The following SGCZ variants were observed in gnomAD, a reference collection of about 807,000 sequenced individuals.
The protein encoded by SGCZ is zeta-sarcoglycan.
SGCZ carries 40 observed loss-of-function variants against 41.3 expected under a neutral mutation model. The observed-to-expected ratio is 0.97, with a 90% confidence interval of 0.75 to 1.26. The LOEUF is 1.26. Ranked by LOEUF, SGCZ falls within the 50% of genes most tolerant of loss-of-function variation. The pLI is 0.00. For missense variants in SGCZ, 552 were observed against 369.8 expected, an observed-to-expected ratio of 1.49 and a Z score of -4.04; for synonymous variants, 206 against 137.5, an observed-to-expected ratio of 1.50 and a Z score of -3.49.
At chr8:14,829,234 G>GATAGGCCCCAGTGCATATTGTTTCCC (rs747994306) in intron 1 of SGCZ, among the ~76,000 whole-genome samples, 1 of 151,404 alleles carries the variant, frequency 6.6e-6, no homozygotes, top group African/African-American at 2.4e-5. Context: ...TATTGTTGCC[G>GATAGGCCCCAGTGCATATTGTTTCCC]TCTATATATC....
At chr8:15,214,651 G>A (rs1214472578) in intron 1 of SGCZ, among the ~76,000 whole-genome samples, 1 of 152,042 alleles carries the variant, frequency 6.6e-6, no homozygotes, top group South Asian at 2.1e-4. Context: ...CTGAATCGTG[G>A]GGAGCTCACG....
chr8:14,097,341 C>T (rs1219493641), intron 7 of SGCZ, among the ~76,000 whole-genome samples: 4 of 152,052 alleles, frequency 2.6e-5, no homozygotes, highest in Non-Finnish European at 5.9e-5. Context: ...TCTGCCTTCA[C>T]TTCGTGATTT....
chr8:14,439,562 T>A (rs906433037), intron 2 of SGCZ, among the ~76,000 whole-genome samples: 23 of 151,746 alleles, frequency 1.5e-4, no homozygotes, highest in African/African-American at 5.3e-4. Flanking sequence ...GAATTCGTAA[T>A]ATATAAAAGA....
rs1015368840 is a variant in SGCZ, at chr8:15,165,223, G to A, written c.39+72362C>T. 1.5e-4 allele frequency among the ~76,000 whole-genome samples: 23 copies of A among 152,122 alleles called. 1 individual carries two copies. The highest frequency in any genetic ancestry group is 5.3e-4 in the African/African-American group (22 of 41,410). ...AAATGCATGAACCCGGGAGGCAGAG[G>A]TTGCAGTGAGCCGAGATCACGCCAC... On this transcript the variant is annotated intron_variant, in intron 1 of 7. Coordinates refer to ENST00000382080, the MANE Select transcript of SGCZ (RefSeq NM_139167.4).
chr8:14,948,660 C>T (rs1800533174), intron 1 of SGCZ, among the ~76,000 whole-genome samples: 1 of 152,074 alleles, frequency 6.6e-6, no homozygotes. Context: ...CACTAACTAC[C>T]TCCTATTTTG....
intron 1 of SGCZ, among the ~76,000 whole-genome samples, chr8:15,201,001 G>T (rs907948495): frequency 2.6e-5 from 4 of 151,898 alleles, no homozygotes; most frequent in African/African-American, 7.3e-5. Context: ...CACTACCAAA[G>T]CGTCCCCAAT....
intron 4 of SGCZ, among the ~76,000 whole-genome samples, chr8:14,181,713 T>C (rs10095080): frequency 0.014 from 2,144 of 152,338 alleles, 44 homozygotes; most frequent in African/African-American, 0.05. Flanking sequence ...CCTGCTGCTA[T>C]GTAATACATC....
At chr8:14,657,254 C>G (rs920238785) in intron 1 of SGCZ, among the ~76,000 whole-genome samples, 1 of 151,948 alleles carries the variant, frequency 6.6e-6, no homozygotes, top group Non-Finnish European at 1.5e-5. Context: ...TCCCGGGTTC[C>G]CTCATGAACA....
At chr8:15,016,665 A>C (rs527394461) in intron 1 of SGCZ, among the ~76,000 whole-genome samples, 1 of 152,280 alleles carries the variant, frequency 6.6e-6, no homozygotes, top group South Asian at 2.1e-4. Context: ...TTTGATAATT[A>C]TTTACATAAG....
chr8:15,099,225 A>G (rs900760393), intron 1 of SGCZ, among the ~76,000 whole-genome samples: 4 of 152,220 alleles, frequency 2.6e-5, no homozygotes, highest in Non-Finnish European at 5.9e-5. Flanking sequence ...TGTGTCTTCA[A>G]TAATAAGACA....
At chr8:15,006,381 C>G (rs907782309) in intron 1 of SGCZ, among the ~76,000 whole-genome samples, 1 of 152,156 alleles carries the variant, frequency 6.6e-6, no homozygotes, top group Non-Finnish European at 1.5e-5. Flanking sequence ...TGTGAAAATT[C>G]TGCTATCCAA....
At chr8:14,930,951 C>T (rs1265518389) in intron 1 of SGCZ, among the ~76,000 whole-genome samples, 4 of 151,882 alleles carry the variant, frequency 2.6e-5, no homozygotes, top group Non-Finnish European at 5.9e-5. Context: ...CACCATGGCA[C>T]GTGTATACCT....
At chr8:14,784,467 T>G (rs182319520) in intron 1 of SGCZ, among the ~76,000 whole-genome samples, 1 of 152,096 alleles carries the variant, frequency 6.6e-6, no homozygotes, top group African/African-American at 2.4e-5. Flanking sequence ...AGTATCAAAT[T>G]TGGGTAAAAT....
At chr8:14,169,729 A>G (rs1247279036) in intron 4 of SGCZ, among the ~76,000 whole-genome samples, 1 of 152,204 alleles carries the variant, frequency 6.6e-6, no homozygotes, top group Non-Finnish European at 1.5e-5. Context: ...AAGCATAAGC[A>G]GTTGACTCCA....
intron 1 of SGCZ, among the ~76,000 whole-genome samples, chr8:15,001,894 A>G (rs776410824): frequency 1.3e-5 from 2 of 152,184 alleles, no homozygotes; most frequent in Non-Finnish European, 2.9e-5. Context: ...CATGGTTAGT[A>G]AGTGGTCAAG....
chr8:15,134,884 G>A (rs918996298), intron 1 of SGCZ, among the ~76,000 whole-genome samples: 13 of 152,060 alleles, frequency 8.5e-5, no homozygotes, highest in African/African-American at 2.9e-4. Context: ...TCTGAAACAC[G>A]TTTGAATGTT....
intron 1 of SGCZ, among the ~76,000 whole-genome samples, chr8:14,581,387 A>T (rs1232075585): frequency 1.3e-5 from 2 of 151,780 alleles, no homozygotes; most frequent in Non-Finnish European, 2.9e-5. Context: ...GAATACAGGC[A>T]TGAGCCATGA....
chr8:14,300,278 G>A (rs559966732), intron 3 of SGCZ, among the ~76,000 whole-genome samples: 1 of 151,228 alleles, frequency 6.6e-6, no homozygotes, highest in South Asian at 2.1e-4. Flanking sequence ...AGGAAGGAAG[G>A]CATAAAGGGA....
chr8:14,488,234 A>G (rs1260443205), intron 2 of SGCZ, among the ~76,000 whole-genome samples: 1 of 152,218 alleles, frequency 6.6e-6, no homozygotes, highest in Non-Finnish European at 1.5e-5. Flanking sequence ...ACAAACAAAA[A>G]CACATTTGTT....
Sources: allele counts gnomAD v4.1 joint callset (sites outside exome capture counted in the v4.1 genomes callset), GRCh38; gene constraint gnomAD v4.1.1; transcripts MANE v1.5; gene names NCBI Gene and HGNC (gene_info 2026-07-23, HGNC 2026-07-21).